The following LRRC7 variants were observed in gnomAD, a reference collection of about 807,000 sequenced individuals.
The protein encoded by LRRC7 is leucine-rich repeat-containing protein 7.
In LRRC7, 23 loss-of-function variants were observed where a neutral mutation model predicts 175.7. That is an observed-to-expected ratio of 0.13 (90% CI 0.09 to 0.19). The LOEUF (loss-of-function observed/expected upper bound fraction) is 0.19, where lower values mean the gene tolerates loss of function less well. Ranked by LOEUF, LRRC7 falls within the 10% of genes least tolerant of loss-of-function variation. The pLI is 1.00. For synonymous variants in LRRC7, 685 were observed against 680.9 expected (o/e 1.01, Z -0.09); for missense variants, 1,354 against 1,904.7 (o/e 0.71, Z 5.38).
At position 70,022,964 on chromosome 1, in the gene LRRC7, AATT is replaced by A. The variant is rs1256165088; in HGVS notation, c.1546-160_1546-158del. Among the ~76,000 whole-genome samples, 8 of 152,296 alleles carry A rather than the reference AATT, an allele frequency of 5.3e-5. No individual in the cohort carries two copies. The East Asian group carries it at 1.5e-3, about 29-fold the overall frequency. On this transcript the variant is annotated intron_variant, in intron 16 of 26. Transcript: ENST00000651989. ...ATTGTGACCCTTTAGCATCATATAA[AATT>A]AGTACTGTTTTATACATGGATTTAA...
chr1:70,039,284 G>A lies in LRRC7; in HGVS notation c.3460G>A (p.Ala1154Thr). 2 of 1,614,042 alleles carry A rather than the reference G, an allele frequency of 1.2e-6. No homozygotes were observed. Among genetic ancestry groups the A allele is most frequent in the Non-Finnish European group, 8.5e-7 (1 of 1,180,010 alleles). ...QGARAGFLRR[A>T]DSLVSATEMA... ...GGCCAGGGCGGGCTTCCTGAGAAGG[G>A]CCGACTCCCTGGTGAGCGCCACAGA... is the stretch of plus-strand genomic sequence containing the variant. The change falls in exon 21 of 27, where the codon GCC (alanine) becomes ACC (threonine). Residue 1154 changes from alanine (A) to threonine (T), a missense_variant. Coordinates refer to ENST00000651989, the MANE Select transcript of LRRC7 (RefSeq NM_001370785.2).
intron 7 of LRRC7, among the ~76,000 whole-genome samples, chr1:69,863,035 T>C (rs1684532020): frequency 6.6e-6 from 1 of 152,214 alleles, no homozygotes; most frequent in Admixed American, 6.5e-5. Context: ...CTGTACTTTT[T>C]TCAGTATCTC....
intron 4 of LRRC7, among the ~76,000 whole-genome samples, chr1:69,821,968 ATTG>A (rs1370970976): frequency 2.0e-5 from 3 of 151,946 alleles, no homozygotes; most frequent in Non-Finnish European, 4.4e-5. Context: ...GAAGTCTTGT[ATTG>A]TTGTCTTTGC....
At chr1:69,886,957 G>A (rs1415886889) in intron 7 of LRRC7, among the ~76,000 whole-genome samples, 1 of 151,952 alleles carries the variant, frequency 6.6e-6, no homozygotes, top group African/African-American at 2.4e-5. Context: ...CCACTCCCTT[G>A]TGGCTTGTAG....
chr1:69,737,627 G>A (rs953870461), intron 2 of LRRC7, among the ~76,000 whole-genome samples: 14 of 152,004 alleles, frequency 9.2e-5, no homozygotes, highest in Non-Finnish European at 2.1e-4. Flanking sequence ...CCAATTCCCT[G>A]CTTTCCCAGA....
At chr1:69,662,333 T>C (rs1208257291) in intron 1 of LRRC7, among the ~76,000 whole-genome samples, 1 of 152,218 alleles carries the variant, frequency 6.6e-6, no homozygotes, top group African/African-American at 2.4e-5. Flanking sequence ...ATCTAGATTT[T>C]TCAAGACATT....
intron 8 of LRRC7, among the ~76,000 whole-genome samples, chr1:69,968,985 G>T (rs559591757): frequency 2.0e-4 from 31 of 151,670 alleles, no homozygotes; most frequent in African/African-American, 7.0e-4. Flanking sequence ...CACCTGGCTG[G>T]TTTTTTGTAT....
At chr1:70,090,384 C>T (rs946510069) in intron 25 of LRRC7, among the ~76,000 whole-genome samples, 2 of 152,074 alleles carry the variant, frequency 1.3e-5, no homozygotes, top group African/African-American at 4.8e-5. Context: ...TCCTCTCATA[C>T]TTACCCCTGC....
At chr1:69,819,427 T>C (rs1173114874) in intron 4 of LRRC7, among the ~76,000 whole-genome samples, 2 of 152,150 alleles carry the variant, frequency 1.3e-5, no homozygotes, top group Non-Finnish European at 2.9e-5. Context: ...GTTGAAAAGA[T>C]ACTTGATATT....
chr1:69,980,345 T>G, intron 8 of LRRC7, 34 bp from the exon 9 acceptor site: 1 of 1,527,322 alleles, frequency 6.5e-7, no homozygotes, highest in African/African-American at 1.4e-5. Context: ...TTAATTTTGT[T>G]TTCCTCTCTC....
intron 4 of LRRC7, among the ~76,000 whole-genome samples, chr1:69,817,902 A>G (rs1258888261): frequency 6.6e-6 from 1 of 151,974 alleles, no homozygotes; most frequent in East Asian, 1.9e-4. Context: ...GCATTGTTTT[A>G]TTTCTTTTTC....
intron 8 of LRRC7, among the ~76,000 whole-genome samples, chr1:69,958,148 A>G (rs914898313): frequency 5.3e-5 from 8 of 151,980 alleles, no homozygotes; most frequent in Non-Finnish European, 8.8e-5. Context: ...TCTTAAAAAT[A>G]TTTGCAGCCA....
At chr1:70,013,436 CTATG>C (rs903410924) in intron 13 of LRRC7, among the ~76,000 whole-genome samples, 3 of 151,640 alleles carry the variant, frequency 2.0e-5, no homozygotes, top group African/African-American at 7.3e-5. Flanking sequence ...ATGTGCATAT[CTATG>C]TATGTATGTA....
At chr1:69,597,957 T>C (rs1646908750) in intron 1 of LRRC7, among the ~76,000 whole-genome samples, 1 of 152,188 alleles carries the variant, frequency 6.6e-6, no homozygotes, top group African/African-American at 2.4e-5. Flanking sequence ...CTCAACTACC[T>C]TTCAAAATAA....
intron 1 of LRRC7, among the ~76,000 whole-genome samples, chr1:69,587,792 G>T (rs1646462382): frequency 6.6e-6 from 1 of 152,138 alleles, no homozygotes; most frequent in African/African-American, 2.4e-5. Flanking sequence ...CTCTCCTGCT[G>T]CCATGTAAGA....
chr1:69,981,084 C>T (rs1288389203), intron 9 of LRRC7, among the ~76,000 whole-genome samples: 1 of 152,096 alleles, frequency 6.6e-6, no homozygotes, highest in African/African-American at 2.4e-5. Context: ...AAAGAATGTT[C>T]CCATAAAACG....
At chr1:69,682,117 C>A (rs1197780391) in intron 2 of LRRC7, among the ~76,000 whole-genome samples, 1 of 152,036 alleles carries the variant, frequency 6.6e-6, no homozygotes, top group Non-Finnish European at 1.5e-5. Context: ...CAGCTGAAGT[C>A]ACTTTTAGGT....
rs533592607 is a variant in LRRC7 at position 70,040,628 on chromosome 1, T to G, written c.3969+835T>G. Among the ~76,000 whole-genome samples the G allele has an allele frequency of 1.3e-4, 20 of 152,104 alleles. No individual in the cohort carries two copies. The South Asian group carries it at 3.7e-3, about 28-fold the overall frequency. On this transcript the variant is annotated intron_variant, in intron 21 of 26. Coordinates refer to ENST00000651989, the MANE Select transcript of LRRC7 (RefSeq NM_001370785.2). ...GAACTCGAGACCAGCCTGGCCAACATGGTAAAACCCCATCTCTACTTAAAA... is the reference window on the plus strand; with the variant it reads ...GAACTCGAGACCAGCCTGGCCAACAGGGTAAAACCCCATCTCTACTTAAAA...
intron 8 of LRRC7, among the ~76,000 whole-genome samples, chr1:69,943,262 T>A (rs549297244): frequency 6.6e-6 from 1 of 152,142 alleles, no homozygotes; most frequent in Non-Finnish European, 1.5e-5. Context: ...TGGAATAGTA[T>A]TCAGCAACGA....
Sources: gnomAD v4.1 joint callset for allele counts (sites outside exome capture counted in the v4.1 genomes callset) on GRCh38, gnomAD v4.1.1 for gene constraint, MANE v1.5 for transcripts, NCBI Gene and HGNC (gene_info 2026-07-23, HGNC 2026-07-21) for gene names.